Variants in CTNND2 observed in about 807,000 individuals in gnomAD.
CTNND2 encodes the protein catenin delta-2.
CTNND2 carries 22 observed loss-of-function variants against 144.4 expected under a neutral mutation model. The observed-to-expected ratio is 0.15, with a 90% confidence interval of 0.11 to 0.22. The LOEUF is 0.22. Ranked by LOEUF, CTNND2 falls within the 10% of genes least tolerant of loss-of-function variation. CTNND2 has a pLI of 1.00. For synonymous variants in CTNND2, 751 were observed against 695.6 expected (o/e 1.08, Z -1.25); for missense variants, 1,353 against 1,618.8 (o/e 0.84, Z 2.82).
intron 18 of CTNND2, among the ~76,000 whole-genome samples, chr5:11,001,476 G>A (rs894284983): frequency 1.3e-5 from 2 of 152,098 alleles, no homozygotes; most frequent in African/African-American, 2.4e-5. Flanking sequence ...ATAGTACCTG[G>A]AACACAGAGG....
intron 1 of CTNND2, among the ~76,000 whole-genome samples, chr5:11,792,432 A>C (rs1428330486): frequency 1.3e-5 from 2 of 152,246 alleles, no homozygotes; most frequent in Non-Finnish European, 2.9e-5. Flanking sequence ...TCCATTTTTA[A>C]GTAATTCAAA....
chr5:11,439,738 CTATATCTATCTATCTA>C (rs1764079660), intron 3 of CTNND2, among the ~76,000 whole-genome samples: 1 of 128,806 alleles, frequency 7.8e-6, no homozygotes, highest in African/African-American at 3.0e-5. Flanking sequence ...TCTCTGCTAG[CTATATCTATCTATCTA>C]TCTATCTATC....
rs186974619 is a variant in CTNND2, at chr5:11,770,341, G to T, written c.38-38069C>A. ...ATAACACTTGAAGTAAACAGAATTA[G>T]AATATATAAGGATCCTGAAATACTA... On this transcript the variant is annotated intron_variant, in intron 1 of 21. Transcript: ENST00000304623. Among the ~76,000 whole-genome samples the T allele has an allele frequency of 4.4e-3, 670 of 150,608 alleles. 8 individuals carry two copies. Among genetic ancestry groups the T allele is most frequent in the African/African-American group, 0.016 (648 of 40,936 alleles).
chr5:11,758,791 C>A (rs1581835786), intron 1 of CTNND2, among the ~76,000 whole-genome samples: 1 of 151,882 alleles, frequency 6.6e-6, no homozygotes, highest in East Asian at 1.9e-4. Context: ...TTTCCCTGAC[C>A]AATTAAATTA....
At chr5:11,356,505 T>C (rs1388472711) in intron 8 of CTNND2, among the ~76,000 whole-genome samples, 1 of 152,018 alleles carries the variant, frequency 6.6e-6, no homozygotes, top group East Asian at 1.9e-4. Flanking sequence ...ATGCAGAGAA[T>C]GAGACTAGAC....
intron 16 of CTNND2, among the ~76,000 whole-genome samples, chr5:11,066,057 TTC>T (rs966999894): frequency 6.6e-6 from 1 of 151,836 alleles, no homozygotes; most frequent in African/African-American, 2.4e-5. Flanking sequence ...TTTTTTTTTT[TTC>T]AGATGGGGTC....
chr5:11,627,566 T>G (rs1312176688), intron 2 of CTNND2, among the ~76,000 whole-genome samples: 1 of 151,976 alleles, frequency 6.6e-6, no homozygotes, highest in Non-Finnish European at 1.5e-5. Flanking sequence ...ACAGTAGATA[T>G]AAATAGATAG....
intron 2 of CTNND2, among the ~76,000 whole-genome samples, chr5:11,607,490 T>C (rs1268383616): frequency 6.6e-6 from 1 of 152,036 alleles, no homozygotes; most frequent in South Asian, 2.1e-4. Context: ...GATTACTGAG[T>C]TTTAAGAAAC....
intron 7 of CTNND2, among the ~76,000 whole-genome samples, chr5:11,380,113 G>A (rs190416427): frequency 2.0e-5 from 3 of 152,264 alleles, no homozygotes; most frequent in East Asian, 1.9e-4. Context: ...AAGATGCTCC[G>A]CTAGGATGCT....
intron 16 of CTNND2, among the ~76,000 whole-genome samples, chr5:11,065,998 C>T (rs1437457461): frequency 2.0e-5 from 3 of 151,876 alleles, no homozygotes; most frequent in African/African-American, 7.3e-5. Flanking sequence ...CTAAGGGCAG[C>T]CATTATAAGA....
chr5:11,749,392 T>C (rs1225136710), intron 1 of CTNND2, among the ~76,000 whole-genome samples: 5 of 152,066 alleles, frequency 3.3e-5, no homozygotes, highest in Non-Finnish European at 7.4e-5. Context: ...GAGGTTTCAG[T>C]GATTTCATTA....
chr5:11,453,180 T>G (rs1285620798), intron 3 of CTNND2, among the ~76,000 whole-genome samples: 1 of 152,184 alleles, frequency 6.6e-6, no homozygotes, highest in Non-Finnish European at 1.5e-5. Flanking sequence ...GCAAGATGCC[T>G]CTCTCCTAAA....
chr5:11,598,113 T>C (rs761133542), intron 2 of CTNND2, among the ~76,000 whole-genome samples: 61 of 152,266 alleles, frequency 4.0e-4, no homozygotes, highest in Non-Finnish European at 7.1e-4. Context: ...TATTATTATC[T>C]CATTTTATAA....
At chr5:11,060,051 C>T (rs76042490) in intron 16 of CTNND2, among the ~76,000 whole-genome samples, 7,087 of 152,178 alleles carry the variant, frequency 0.047, 226 homozygotes, top group African/African-American at 0.076. Context: ...TTTATAACTT[C>T]TGGGAGCATT....
intron 3 of CTNND2, among the ~76,000 whole-genome samples, chr5:11,443,083 A>G (rs1304775463): frequency 6.6e-6 from 1 of 151,218 alleles, no homozygotes; most frequent in Admixed American, 6.6e-5. Context: ...ACCCAATGAA[A>G]AGGCATCAGT....
chr5:11,492,508 T>C (rs924431450), intron 3 of CTNND2, among the ~76,000 whole-genome samples: 10 of 34,432 alleles, frequency 2.9e-4, no homozygotes, highest in African/African-American at 2.2e-3. Flanking sequence ...TATATATATG[T>C]GTGTGTGTGT....
chr5:11,176,636 A>C (rs563468703), intron 11 of CTNND2, among the ~76,000 whole-genome samples: 1 of 152,102 alleles, frequency 6.6e-6, no homozygotes, highest in African/African-American at 2.4e-5. Context: ...TCTTTCTCCA[A>C]ACCACCTTAC....
Position 11,045,521 on chromosome 5 carries a change from G to C in CTNND2, c.2789-22542C>G, listed in dbSNP as rs569132246. Among the ~76,000 whole-genome samples the C allele has an allele frequency of 5.3e-5, 8 of 152,246 alleles. No homozygotes were observed. The South Asian group carries it at 1.7e-3, about 32-fold the overall frequency. ...CCACAAGGCCCCATCTCCAACACTG[G>C]GGACTGCATTCTAGCATGAGATTTT... On this transcript the variant is annotated intron_variant, in intron 16 of 21. Coordinates refer to ENST00000304623, the MANE Select transcript of CTNND2 (RefSeq NM_001332.4).
At chr5:11,426,190 C>T (rs1739909487) in intron 3 of CTNND2, among the ~76,000 whole-genome samples, 2 of 152,324 alleles carry the variant, frequency 1.3e-5, no homozygotes, top group Non-Finnish European at 1.5e-5. Flanking sequence ...TTGAAAAACA[C>T]AAGTCATCCT....
Sources: gnomAD v4.1 joint callset for allele counts (sites outside exome capture counted in the v4.1 genomes callset) on GRCh38, gnomAD v4.1.1 for gene constraint, MANE v1.5 for transcripts, NCBI Gene and HGNC (gene_info 2026-07-23, HGNC 2026-07-21) for gene names.